Variants in LOC112694756 observed in about 807,000 individuals in gnomAD.
the LOC112694756 span, among the ~76,000 whole-genome samples, chr16:30,059,912 G>A: frequency 6.6e-6 from 1 of 152,122 alleles, no homozygotes; most frequent in African/African-American, 2.4e-5. Flanking sequence ...ACCAGGCATC[G>A]TGCTTAGTTC....
the LOC112694756 span, among the ~76,000 whole-genome samples, chr16:30,060,630 C>T: frequency 6.6e-6 from 1 of 152,134 alleles, no homozygotes; most frequent in Non-Finnish European, 1.5e-5. Flanking sequence ...GCTTTTAATA[C>T]CCTCTTTTCT....
chr16:30,054,674 C>T, the LOC112694756 span: 4 of 398,162 alleles, frequency 1.0e-5, no homozygotes, highest in Non-Finnish European at 1.8e-5. Flanking sequence ...CTCTCCCCAC[C>T]ATCTGGTGGC....
At chr16:30,064,307 C>G in the LOC112694756 span, 1 of 395,466 alleles carries the variant, frequency 2.5e-6, no homozygotes, top group African/African-American at 2.1e-5. Flanking sequence ...TCCAGAGAAT[C>G]AGAACAGCCA....
the LOC112694756 span, chr16:30,069,669 C>A: frequency 6.2e-7 from 1 of 1,613,542 alleles, no homozygotes; most frequent in East Asian, 2.2e-5. Flanking sequence ...CCCCCGCTGT[C>A]ACTGGTGAGG....
chr16:30,059,205 GCT>G, the LOC112694756 span, among the ~76,000 whole-genome samples: 1 of 152,246 alleles, frequency 6.6e-6, no homozygotes, highest in East Asian at 1.9e-4. Context: ...GATAAGAATA[GCT>G]CTCTTTCAGG....
the LOC112694756 span, among the ~76,000 whole-genome samples, chr16:30,060,439 A>C: frequency 2.6e-5 from 4 of 152,070 alleles, no homozygotes; most frequent in Non-Finnish European, 5.9e-5. Flanking sequence ...ATTCAAGTGA[A>C]AAACTCTCCT....
chr16:30,063,159 A>T, the LOC112694756 span, among the ~76,000 whole-genome samples: 1 of 152,068 alleles, frequency 6.6e-6, no homozygotes, highest in East Asian at 1.9e-4. Context: ...AAAAAAAATT[A>T]AAAATAGGTA....
the LOC112694756 span, among the ~76,000 whole-genome samples, chr16:30,061,921 G>A: frequency 6.6e-6 from 1 of 151,816 alleles, no homozygotes; most frequent in Non-Finnish European, 1.5e-5. Context: ...AAAAATATAA[G>A]GCTGGGCGCG....
At chr16:30,067,337 A>G in the LOC112694756 span, 2 of 1,613,826 alleles carry the variant, frequency 1.2e-6, no homozygotes, top group South Asian at 1.1e-5. Context: ...GCACCTGGCA[A>G]GGGCATCCTG....
chr16:30,063,364 C>T, the LOC112694756 span, among the ~76,000 whole-genome samples: 3 of 152,098 alleles, frequency 2.0e-5, no homozygotes, highest in African/African-American at 7.2e-5. Context: ...TGTCTACTGC[C>T]TCAACTGCAC....
the LOC112694756 span, chr16:30,064,126 G>A: frequency 5.1e-6 from 2 of 396,024 alleles, no homozygotes; most frequent in Non-Finnish European, 4.5e-6. Flanking sequence ...ATTTGAAGTT[G>A]GGCAGGGGGG....
the LOC112694756 span, chr16:30,069,033 G>T: frequency 6.2e-7 from 1 of 1,611,956 alleles, no homozygotes; most frequent in Non-Finnish European, 8.5e-7. Flanking sequence ...TTCCAGTGTT[G>T]TTAATTTGCC....
chr16:30,069,129 G>A, the LOC112694756 span: 3 of 1,369,882 alleles, frequency 2.2e-6, no homozygotes, highest in Non-Finnish European at 3.1e-6. Context: ...GAAGGCAGAG[G>A]GGCCAAGGAG....
chr16:30,070,137 A>G, the LOC112694756 span: 142 of 1,614,078 alleles, frequency 8.8e-5, no homozygotes, highest in African/African-American at 1.6e-3. Context: ...TTGCCTGTCA[A>G]GGAAAGTACA....
chr16:30,063,456 G>A, the LOC112694756 span, among the ~76,000 whole-genome samples: 52 of 151,998 alleles, frequency 3.4e-4, no homozygotes, highest in African/African-American at 1.2e-3. Context: ...AGGGCCAGTT[G>A]CTCTCTGGTC....
chr16:30,066,316 G>GCCCCC, the LOC112694756 span: 1 of 152,508 alleles, frequency 6.6e-6, no homozygotes, highest in East Asian at 1.9e-4. Context: ...GGGAAACGGG[G>GCCCCC]CGCCCTTCGC....
At chr16:30,068,604 G>A in the LOC112694756 span, 13 of 1,607,718 alleles carry the variant, frequency 8.1e-6, no homozygotes, top group African/African-American at 1.2e-4. Flanking sequence ...GGTGCTAGAG[G>A]TCATTTCCTG....
chr16:30,063,338 A>T, the LOC112694756 span, among the ~76,000 whole-genome samples: 1 of 152,024 alleles, frequency 6.6e-6, no homozygotes, highest in Non-Finnish European at 1.5e-5. Flanking sequence ...GGACAGAAAA[A>T]TGTGTGTGCT....
chr16:30,067,194 C>T, the LOC112694756 span: 2 of 1,611,462 alleles, frequency 1.2e-6, no homozygotes, highest in Non-Finnish European at 1.7e-6. Flanking sequence ...GATGGGAAAC[C>T]CTAGCTAACT....
Sources: allele counts gnomAD v4.1 joint callset (sites outside exome capture counted in the v4.1 genomes callset), GRCh38; gene constraint gnomAD v4.1.1; transcripts MANE v1.5.